Variants in HHAT observed in about 807,000 individuals in gnomAD.
HHAT encodes hedgehog acyltransferase.
A neutral mutation model predicts 70.8 loss-of-function variants in HHAT; 47 were observed. The ratio of observed to expected loss-of-function variants is 0.66; its 90% CI spans 0.53 to 0.85. The LOEUF is 0.85. HHAT is among the 40% of genes least tolerant of loss of function. The pLI is 0.00. For missense variants in HHAT, 609 were observed against 604.8 expected, an observed-to-expected ratio of 1.01 and a Z score of -0.07; for synonymous variants, 228 against 247.6, an observed-to-expected ratio of 0.92 and a Z score of 0.74.
intron 8 of HHAT, among the ~76,000 whole-genome samples, chr1:210,482,519 G>A (rs1242952332): frequency 6.6e-6 from 1 of 152,170 alleles, no homozygotes; most frequent in Admixed American, 6.6e-5. Context: ...TAAAAGGTAC[G>A]TATGCTTCCT....
In HHAT at chr1:210,569,469, T is replaced by C. The variant is rs531813789; in HGVS notation, c.1044-18429T>C. Among the ~76,000 whole-genome samples the C allele has an allele frequency of 7.2e-4, 109 of 151,822 alleles. 2 individuals are homozygous for C. In the South Asian group the frequency reaches 0.019, roughly 27 times the overall value. On this transcript the variant is annotated intron_variant, in intron 9 of 11. Coordinates refer to ENST00000261458, the MANE Select transcript of HHAT (RefSeq NM_018194.6). Reference sequence around the variant, plus strand: ...AAAGGCTCATTTCATTTCTTTATAATGTACCTACATGTCTTTTTGTAGTCT... The same window carrying C: ...AAAGGCTCATTTCATTTCTTTATAACGTACCTACATGTCTTTTTGTAGTCT...
Position 210,540,491 on chromosome 1 carries a change from GCA to G in HHAT, c.1043+27312_1043+27313del, listed in dbSNP as rs1241978253. 5.7e-4 allele frequency among the ~76,000 whole-genome samples: 68 copies of G among 119,974 alleles called. 1 individual carries two copies. The South Asian group carries it at 0.017, about 29-fold the overall frequency. The allele number at this position is 119,974 out of a possible 152,430, so 78.7% of individuals were successfully genotyped here. ...CACACGCACACACATGCACACACAC[GCA>G]CACACACATGCACACACACACAAAC... On this transcript the variant is annotated intron_variant, in intron 9 of 11. Coordinates refer to ENST00000261458, the MANE Select transcript of HHAT (RefSeq NM_018194.6).
At chr1:210,385,116 T>G (rs560789750) in intron 3 of HHAT, among the ~76,000 whole-genome samples, 2 of 148,352 alleles carry the variant, frequency 1.3e-5, no homozygotes, top group African/African-American at 4.9e-5. Context: ...TATGTTTTGT[T>G]GTATTATATC....
At position 210,419,324 on chromosome 1, in the gene HHAT, G is replaced by A. The variant is rs74576812; in HGVS notation, c.856+999G>A. On this transcript the variant is annotated intron_variant, in intron 7 of 11. Transcript: ENST00000261458. ...TGTGTGTCTGCCAGGGAGGTGGCAT[G>A]GAAGTCTTACTTCCTCAGCAGGGCT... 7.4e-3 allele frequency among the ~76,000 whole-genome samples: 1,133 copies of A among 152,284 alleles called. 18 individuals carry two copies. Among genetic ancestry groups the A allele is most frequent in the African/African-American group, 0.025 (1,035 of 41,566 alleles).
At position 210,340,242 on chromosome 1, in the gene HHAT, G is replaced by GAAAAA. The variant is rs57007952; in HGVS notation, c.-43-8669_-43-8665dup. ...GGGGATAGAGCAAGACTCTGTCTCAGAAAAAAAAAAAAAAAAAAAAAAAAA... is the reference window on the plus strand; with the variant it reads ...GGGGATAGAGCAAGACTCTGTCTCAGAAAAAAAAAAAAAAAAAAAAAAAAAAAAAA... On this transcript the variant is annotated intron_variant, in intron 1 of 11. Transcript: ENST00000261458. Among the ~76,000 whole-genome samples, 151 of 99,766 alleles carry GAAAAA rather than the reference G, an allele frequency of 1.5e-3. 7 individuals carry two copies. The highest frequency in any genetic ancestry group is 0.013 in the East Asian group (31 of 2,404). The allele number at this position is 99,766 out of a possible 152,430, so 65.5% of individuals were successfully genotyped here. A position where few individuals can be genotyped will look rare whatever the true frequency, so the allele number is the denominator to read the frequency against.
At chr1:210,351,638 A>C (rs1246144856) in intron 2 of HHAT, among the ~76,000 whole-genome samples, 1 of 152,038 alleles carries the variant, frequency 6.6e-6, no homozygotes, top group Non-Finnish European at 1.5e-5. Context: ...TGGTGGCTCG[A>C]TTGGGCTCAC....
At chr1:210,462,884 G>A (rs918759858) in intron 7 of HHAT, 6 of 152,208 alleles carry the variant, frequency 3.9e-5, no homozygotes, top group African/African-American at 1.4e-4. Flanking sequence ...GGTATTTTCT[G>A]CTAGTACCTC....
intron 9 of HHAT, among the ~76,000 whole-genome samples, chr1:210,555,977 C>T (rs147710742): frequency 1.3e-5 from 2 of 152,248 alleles, no homozygotes; most frequent in Non-Finnish European, 2.9e-5. Context: ...GAAAGCATAG[C>T]CATGTTTGTT....
At chr1:210,507,093 G>A (rs945860933) in intron 8 of HHAT, among the ~76,000 whole-genome samples, 4 of 152,082 alleles carry the variant, frequency 2.6e-5, no homozygotes, top group African/African-American at 9.7e-5. Flanking sequence ...GAAGGAAAAA[G>A]CACAGACATT....
chr1:210,631,755 G>T (rs1327490653), intron 11 of HHAT, among the ~76,000 whole-genome samples: 1 of 152,210 alleles, frequency 6.6e-6, no homozygotes, highest in Non-Finnish European at 1.5e-5. Context: ...TCTTGTCTTT[G>T]CAGTGAAGAT....
At chr1:210,596,072 G>A (rs988302737) in intron 10 of HHAT, among the ~76,000 whole-genome samples, 7 of 152,064 alleles carry the variant, frequency 4.6e-5, no homozygotes, top group African/African-American at 1.7e-4. Flanking sequence ...GTATTGCCTA[G>A]GTTTTTCTTC....
At chr1:210,614,490 C>T (rs78749402) in intron 10 of HHAT, among the ~76,000 whole-genome samples, 1 of 152,068 alleles carries the variant, frequency 6.6e-6, no homozygotes, top group Admixed American at 6.6e-5. Context: ...TATACATGTG[C>T]CATGTTGGTG....
chr1:210,471,006 T>C (rs1215132668), intron 8 of HHAT, among the ~76,000 whole-genome samples: 1 of 152,206 alleles, frequency 6.6e-6, no homozygotes, highest in Non-Finnish European at 1.5e-5. Context: ...TGATCATGTC[T>C]TATTCTTGTT....
chr1:210,545,142 A>C (rs4845048), intron 9 of HHAT, among the ~76,000 whole-genome samples: 11,050 of 152,070 alleles, frequency 0.073, 740 homozygotes, highest in East Asian at 0.3. Flanking sequence ...TCCAGTGATT[A>C]CCAATGCTTT....
intron 1 of HHAT, among the ~76,000 whole-genome samples, chr1:210,344,444 T>C (rs902068624): frequency 6.6e-6 from 1 of 152,096 alleles, no homozygotes; most frequent in African/African-American, 2.4e-5. Flanking sequence ...ATTAGGTGAA[T>C]TGGTGTGTCT....
intron 11 of HHAT, among the ~76,000 whole-genome samples, chr1:210,626,486 A>G (rs1469477971): frequency 6.6e-6 from 1 of 152,154 alleles, no homozygotes; most frequent in African/African-American, 2.4e-5. Flanking sequence ...GTCAGTGATT[A>G]TCCAAATGAG....
chr1:210,373,714 A>G (rs2089789513), intron 3 of HHAT, among the ~76,000 whole-genome samples: 1 of 152,230 alleles, frequency 6.6e-6, no homozygotes, highest in Non-Finnish European at 1.5e-5. Flanking sequence ...CAAGCTGATC[A>G]GTGGAATTGA....
rs756578454 is a variant in HHAT, at chr1:210,418,216, C to T, written c.747C>T (p.Gly249=). 1 of 1,614,018 alleles carries T rather than the reference C, an allele frequency of 6.2e-7. No individual in the cohort carries two copies. Among genetic ancestry groups the T allele is most frequent in the African/African-American group, 1.3e-5 (1 of 74,930 alleles). ...TGTGTGTCCTGGCCCTGGGGCTGGGCCGCCTTCTTTGCTGGTGGTGGCTGG... is the reference window on the plus strand; with the variant it reads ...TGTGTGTCCTGGCCCTGGGGCTGGGTCGCCTTCTTTGCTGGTGGTGGCTGG... The part of the protein sequence containing the change: ...ASLCVLALGL[G]RLLCWWWLAE... Residue 249 remains glycine (G), a synonymous_variant, in exon 7 of 12, where the codon GGC becomes GGT. Coordinates refer to ENST00000261458, the MANE Select transcript of HHAT (RefSeq NM_018194.6).
intron 8 of HHAT, among the ~76,000 whole-genome samples, chr1:210,468,252 C>A (rs2094141640): frequency 6.6e-6 from 1 of 151,936 alleles, no homozygotes; most frequent in Admixed American, 6.5e-5. Context: ...CATTTTTTGC[C>A]AGGAGTCATT....
Sources: gnomAD v4.1 joint callset for allele counts (sites outside exome capture counted in the v4.1 genomes callset) on GRCh38, gnomAD v4.1.1 for gene constraint, MANE v1.5 for transcripts, NCBI Gene and HGNC (gene_info 2026-07-23, HGNC 2026-07-21) for gene names.